SVIL: variants seen among roughly 807,000 people sequenced by gnomAD.
SVIL encodes archvillin.
A neutral mutation model predicts 240.4 loss-of-function variants in SVIL; 101 were observed. The ratio of observed to expected loss-of-function variants is 0.42; its 90% CI spans 0.36 to 0.50. The LOEUF (loss-of-function observed/expected upper bound fraction) is 0.50. Among genes scored for constraint, SVIL ranks in the 20% least tolerant of loss-of-function variants. The pLI is 0.01. For synonymous variants in SVIL, 999 were observed against 1,100.0 expected (o/e 0.91, Z 1.82); for missense variants, 2,512 against 2,818.7 (o/e 0.89, Z 2.46).
intron 1 of SVIL, among the ~76,000 whole-genome samples, chr10:29,625,019 T>C (rs1957810236): frequency 6.6e-6 from 1 of 152,068 alleles, no homozygotes; most frequent in East Asian, 1.9e-4. Flanking sequence ...CTAGCTTATA[T>C]ACAATCAGCT....
At chr10:29,575,754 C>G (rs1955665755) in intron 1 of SVIL, among the ~76,000 whole-genome samples, 1 of 152,058 alleles carries the variant, frequency 6.6e-6, no homozygotes, top group African/African-American at 2.4e-5. Context: ...ATTCAGACAA[C>G]AAGAATATCA....
At chr10:29,722,447 G>C (rs10826681) in intron 1 of SVIL, among the ~76,000 whole-genome samples, 33,764 of 151,918 alleles carry the variant, frequency 0.22, 4,185 homozygotes, top group Admixed American at 0.27. Flanking sequence ...AAAAAGCTAG[G>C]TTAAGAAAAC....
In SVIL at chr10:29,523,529, A is replaced by G. The variant is rs753250515; in HGVS notation, c.3085T>C (p.Leu1029=). 2.1e-5 allele frequency: 34 copies of G among 1,614,096 alleles called. No homozygotes were observed. Among genetic ancestry groups the G allele is most frequent in the Non-Finnish European group, 2.6e-5 (31 of 1,180,018 alleles). Residue 1029 remains leucine (L), a synonymous_variant, in exon 15 of 38, where the codon TTG becomes CTG. Transcript: ENST00000355867. ...AAGGGCAGCCTGTCCCTCAAGTCCA[A>G]GTTTCCTTGTGCATTCATTTTAGCC... ...SMAKMNAQGN[L]DLRDRLPFEE...
chr10:29,658,744 G>A (rs568746701), intron 2 of SVIL, among the ~76,000 whole-genome samples: 202 of 152,258 alleles, frequency 1.3e-3, no homozygotes, highest in African/African-American at 4.8e-3. Flanking sequence ...CAACAAGGAA[G>A]ACCCTGTCTT....
At chr10:29,498,088 CAAAAAAAAA>C (rs34280398) in intron 18 of SVIL, among the ~76,000 whole-genome samples, 2,800 of 37,316 alleles carry the variant, frequency 0.075, 120 homozygotes, top group African/African-American at 0.16. Flanking sequence ...TCCCCTCCAC[CAAAAAAAAA>C]AAAAAAAAAA....
chr10:29,564,519 G>A (rs1954797341), intron 2 of SVIL, among the ~76,000 whole-genome samples: 1 of 152,174 alleles, frequency 6.6e-6, no homozygotes, highest in African/African-American at 2.4e-5. Flanking sequence ...GACTCACTGT[G>A]AAGCTGACCT....
chr10:29,714,948 T>TAAAAA (rs61107910), intron 1 of SVIL, among the ~76,000 whole-genome samples: 11 of 78,424 alleles, frequency 1.4e-4, no homozygotes, highest in Admixed American at 3.0e-4. Flanking sequence ...TGTCTGAAAT[T>TAAAAA]AAAAAAAAAA....
rs1947252110 is a variant in SVIL at position 29,484,936 on chromosome 10, A to G, written c.4780-105T>C. The stretch of plus-strand genomic sequence containing the variant: ...GACAGTGAGTCAAACGGAGGAAGAC[A>G]GAAATCCTAACGGGGCGACCAACAC... On this transcript the variant is annotated intron_variant, in intron 26 of 37. Coordinates refer to ENST00000355867, the MANE Select transcript of SVIL (RefSeq NM_021738.3). The surrounding 1 kb of genome is among the most constrained non-coding windows in gnomAD (Gnocchi z 4.7). 4.0e-6 allele frequency: 5 copies of G among 1,261,996 alleles called. No homozygotes were observed. The South Asian group carries it at 7.7e-5, about 20-fold the overall frequency. The allele number at this position is 1,261,996 out of a possible 1,614,324, so 78.2% of individuals were successfully genotyped here.
chr10:29,470,308 G>C lies in SVIL; in HGVS notation c.5811C>G (p.Val1937=). 1.2e-6 allele frequency: 2 copies of C among 1,614,162 alleles called. No individual in the cohort carries two copies. The highest frequency in any genetic ancestry group is 1.1e-5 in the South Asian group (1 of 91,076). ...GCKAQAHTKE[V]GRTAANKIKE... The stretch of plus-strand genomic sequence containing the variant: ...TGATCTTGTTCGCAGCGGTCCTTCC[G>C]ACCTCCTTCGTGTGGGCCTGGGCTT... The change falls in exon 32 of 38, where the codon GTC becomes GTG. Residue 1937 remains valine (V), a synonymous_variant. Coordinates refer to ENST00000355867, the MANE Select transcript of SVIL (RefSeq NM_021738.3).
chr10:29,587,622 T>C (rs1220666785), intron 1 of SVIL, among the ~76,000 whole-genome samples: 1 of 152,240 alleles, frequency 6.6e-6, no homozygotes, highest in Non-Finnish European at 1.5e-5. Context: ...TGCAGTGGCC[T>C]GGAGCTTGCT....
Position 29,593,419 on chromosome 10 carries a change from C to T in SVIL, c.-200-24107G>A, listed in dbSNP as rs1956465017. Among the ~76,000 whole-genome samples the T allele has an allele frequency of 2.6e-5, 4 of 152,116 alleles. No individual in the cohort carries two copies. The South Asian group carries it at 8.3e-4, about 32-fold the overall frequency. On this transcript the variant is annotated intron_variant, in intron 1 of 37. Transcript: ENST00000355867. ...GTGGACTCGAGAGCATTTCTCACTC[C>T]CCATCTGCCCATCAGGAAGATTCCA... is the stretch of plus-strand genomic sequence containing the variant.
At chr10:29,506,046 A>T (rs1368077258) in intron 17 of SVIL, among the ~76,000 whole-genome samples, 1 of 152,088 alleles carries the variant, frequency 6.6e-6, no homozygotes, top group Non-Finnish European at 1.5e-5. Flanking sequence ...TTATGTAAAT[A>T]GTTGTTCTGC....
At position 29,532,117 on chromosome 10, in the gene SVIL, G is replaced by A. The variant is rs201516624; in HGVS notation, c.1894C>T (p.Arg632Trp). The A allele has an allele frequency of 5.5e-5, 88 of 1,613,850 alleles. 1 individual carries two copies. The highest frequency in any genetic ancestry group is 1.6e-4 in the Middle Eastern group (1 of 6,076). ...CTTGGTTTCCGGGACCCTCTCTCCC[G>A]TTCCACACCGGTGGGCAAGCCAGGT... ...EGPGLPTGVE[R>W]ERGSRKPRRY... Residue 632 changes from arginine (R) to tryptophan (W), a missense_variant, in exon 9 of 38, where the codon CGG becomes TGG. This residue lies in a region of SVIL where 1,443 missense variants were observed against 1,486.6 expected (regional missense o/e 0.97). Coordinates refer to ENST00000355867, the MANE Select transcript of SVIL (RefSeq NM_021738.3).
intron 31 of SVIL, 97 bp from the exon 32 acceptor site, chr10:29,470,580 A>C: frequency 7.1e-7 from 1 of 1,409,948 alleles, no homozygotes. Flanking sequence ...CAAGGCAGCC[A>C]CCTCCGTCCA....
chr10:29,471,845 T>G (rs1476126708), intron 30 of SVIL, among the ~76,000 whole-genome samples: 2 of 152,260 alleles, frequency 1.3e-5, no homozygotes, highest in African/African-American at 2.4e-5. Flanking sequence ...CAGGGAGCAC[T>G]GAGAGAAAGC....
chr10:29,472,678 C>T (rs1453279680), intron 30 of SVIL, among the ~76,000 whole-genome samples: 2 of 152,068 alleles, frequency 1.3e-5, no homozygotes, highest in South Asian at 2.1e-4. Context: ...TGATGCAGGC[C>T]CTGGGGTTAT....
chr10:29,482,025 T>C (rs911580082), intron 27 of SVIL, among the ~76,000 whole-genome samples: 125 of 50,230 alleles, frequency 2.5e-3, no homozygotes, highest in African/African-American at 3.5e-3. Context: ...TCTTTTCTTT[T>C]TTTTTTTTTT....
intron 6 of SVIL, among the ~76,000 whole-genome samples, chr10:29,540,575 T>C (rs570945402): frequency 6.6e-6 from 1 of 152,336 alleles, no homozygotes; most frequent in African/African-American, 2.4e-5. Flanking sequence ...CCCCCCAGCA[T>C]GCACCTTCCT....
chr10:29,511,642 T>A lies in SVIL; in HGVS notation c.3516+1093A>T, dbSNP rs528314750. 2.6e-5 allele frequency among the ~76,000 whole-genome samples: 4 copies of A among 152,390 alleles called. No individual in the cohort carries two copies. The East Asian group carries it at 7.7e-4, about 29-fold the overall frequency. On this transcript the variant is annotated intron_variant, in intron 17 of 37. Transcript: ENST00000355867. ...GTGAAAAATATGCACATGCATATAC[T>A]TTCTAAATATCTAGTTATATTTGAG...
Sources: allele counts gnomAD v4.1 joint callset (sites outside exome capture counted in the v4.1 genomes callset), GRCh38; gene constraint gnomAD v4.1.1; regional missense constraint gnomAD v4.1.1; non-coding constraint Gnocchi (gnomAD v3.1); transcripts MANE v1.5; gene names NCBI Gene and HGNC (gene_info 2026-07-23, HGNC 2026-07-21).